Variants in SGCZ observed in about 807,000 individuals in gnomAD.
The protein encoded by SGCZ is sarcoglycan zeta.
A neutral mutation model predicts 41.3 loss-of-function variants in SGCZ; 40 were observed. The ratio of observed to expected loss-of-function variants is 0.97; its 90% CI spans 0.75 to 1.26. The LOEUF (loss-of-function observed/expected upper bound fraction) is 1.26, where lower values mean the gene tolerates loss of function less well. Among genes scored for constraint, SGCZ ranks in the 50% most tolerant of loss-of-function variants. The pLI is 0.00. For synonymous variants in SGCZ, 206 were observed against 137.5 expected (o/e 1.50, Z -3.49); for missense variants, 552 against 369.8 (o/e 1.49, Z -4.04).
chr8:14,139,003 A>C (rs927109716), intron 5 of SGCZ, among the ~76,000 whole-genome samples: 8 of 152,236 alleles, frequency 5.3e-5, no homozygotes, highest in African/African-American at 1.4e-4. Flanking sequence ...CTCAGACCAC[A>C]GTGCAATCAA....
At chr8:15,000,786 T>A (rs778007506) in intron 1 of SGCZ, among the ~76,000 whole-genome samples, 17 of 152,176 alleles carry the variant, frequency 1.1e-4, no homozygotes, top group Non-Finnish European at 2.2e-4. Context: ...AGCCTGCCTA[T>A]AAAATCTGCT....
At chr8:14,214,943 C>G (rs1234685841) in intron 4 of SGCZ, among the ~76,000 whole-genome samples, 2 of 152,112 alleles carry the variant, frequency 1.3e-5, no homozygotes, top group Non-Finnish European at 1.5e-5. Context: ...ACCACACTTG[C>G]AGCAATTAAG....
At chr8:14,950,013 T>C (rs1800579862) in intron 1 of SGCZ, among the ~76,000 whole-genome samples, 2 of 152,104 alleles carry the variant, frequency 1.3e-5, no homozygotes, top group East Asian at 3.9e-4. Context: ...CTTAATTTTA[T>C]CCTTTTCAAA....
intron 1 of SGCZ, among the ~76,000 whole-genome samples, chr8:14,618,091 G>GAT (rs139199970): frequency 0.34 from 51,485 of 151,736 alleles, 8,951 homozygotes; most frequent in East Asian, 0.6. Flanking sequence ...ATATCCAACA[G>GAT]ATATTTATGG....
chr8:14,886,572 G>T (rs889686969), intron 1 of SGCZ, among the ~76,000 whole-genome samples: 2 of 152,024 alleles, frequency 1.3e-5, no homozygotes, highest in Non-Finnish European at 2.9e-5. Context: ...GAGCTTCCCA[G>T]GGGCAAGTCC....
chr8:14,792,893 AG>A (rs1474793106), intron 1 of SGCZ, among the ~76,000 whole-genome samples: 2 of 152,248 alleles, frequency 1.3e-5, no homozygotes, highest in African/African-American at 4.8e-5. Flanking sequence ...CTAGGTATCA[AG>A]AAGCTTCATG....
intron 2 of SGCZ, among the ~76,000 whole-genome samples, chr8:14,475,162 T>C (rs987735151): frequency 2.0e-5 from 3 of 152,192 alleles, no homozygotes; most frequent in Non-Finnish European, 4.4e-5. Context: ...AATATCATAC[T>C]ATTAAAAAGC....
intron 1 of SGCZ, among the ~76,000 whole-genome samples, chr8:14,639,917 G>C (rs1232849445): frequency 6.6e-6 from 1 of 151,300 alleles, no homozygotes; most frequent in African/African-American, 2.4e-5. Flanking sequence ...CTACTCCTTG[G>C]ACACTTGATA....
At chr8:15,000,964 T>C (rs1222480213) in intron 1 of SGCZ, among the ~76,000 whole-genome samples, 5 of 152,198 alleles carry the variant, frequency 3.3e-5, no homozygotes, top group Non-Finnish European at 5.9e-5. Flanking sequence ...CCAGAGTGTA[T>C]ACTCAAGACA....
intron 1 of SGCZ, among the ~76,000 whole-genome samples, chr8:15,037,176 C>T (rs1348500253): frequency 2.6e-5 from 4 of 152,052 alleles, no homozygotes; most frequent in African/African-American, 9.7e-5. Flanking sequence ...CTCCATGATC[C>T]CCACATGTCA....
chr8:15,025,364 T>C (rs1803416981), intron 1 of SGCZ, among the ~76,000 whole-genome samples: 1 of 152,182 alleles, frequency 6.6e-6, no homozygotes, highest in Non-Finnish European at 1.5e-5. Flanking sequence ...CATAATTTGA[T>C]TTTTTCCTCT....
chr8:14,721,387 C>T (rs539891853), intron 1 of SGCZ, among the ~76,000 whole-genome samples: 1 of 152,260 alleles, frequency 6.6e-6, no homozygotes, highest in East Asian at 1.9e-4. Flanking sequence ...AAGAGAATAC[C>T]TGATTCGTGC....
At chr8:14,348,339 G>C (rs1049563363) in intron 2 of SGCZ, among the ~76,000 whole-genome samples, 1 of 152,012 alleles carries the variant, frequency 6.6e-6, no homozygotes, top group African/African-American at 2.4e-5. Context: ...TGGAATAAAA[G>C]TTACCTTCCT....
chr8:15,068,533 C>G (rs1026145026), intron 1 of SGCZ, among the ~76,000 whole-genome samples: 1 of 152,090 alleles, frequency 6.6e-6, no homozygotes, highest in African/African-American at 2.4e-5. Context: ...TTTTGATGTT[C>G]ACAGAAGTTC....
chr8:14,990,421 C>A (rs1047887499), intron 1 of SGCZ, among the ~76,000 whole-genome samples: 1 of 152,078 alleles, frequency 6.6e-6, no homozygotes, highest in Non-Finnish European at 1.5e-5. Flanking sequence ...TACTTTCAGC[C>A]GCTCCCCATC....
chr8:14,647,738 T>C (rs542036774), intron 1 of SGCZ, among the ~76,000 whole-genome samples: 1 of 152,192 alleles, frequency 6.6e-6, no homozygotes, highest in South Asian at 2.1e-4. Context: ...TGTATGTTAA[T>C]ATGTTTAAAG....
In SGCZ at chr8:15,083,100, T is replaced by C. The variant is rs576950581; in HGVS notation, c.39+154485A>G. On this transcript the variant is annotated intron_variant, in intron 1 of 7. Coordinates refer to ENST00000382080, the MANE Select transcript of SGCZ (RefSeq NM_139167.4). ...TGAAATATCTACCAGTACAAGGAGA[T>C]AGATCTTAACACAAACAGAATAACA... Among the ~76,000 whole-genome samples the C allele has an allele frequency of 4.0e-4, 61 of 152,312 alleles. No individual in the cohort carries two copies. The South Asian group carries it at 8.1e-3, about 20-fold the overall frequency.
At chr8:14,641,223 C>T (rs761866623) in intron 1 of SGCZ, among the ~76,000 whole-genome samples, 1 of 151,626 alleles carries the variant, frequency 6.6e-6, no homozygotes, top group Non-Finnish European at 1.5e-5. Context: ...CAGGCTTAGT[C>T]TATTACAGCT....
chr8:14,398,633 A>T (rs867135416), intron 2 of SGCZ, among the ~76,000 whole-genome samples: 6 of 151,990 alleles, frequency 3.9e-5, no homozygotes, highest in Admixed American at 2.0e-4. Flanking sequence ...CAAGATTTTT[A>T]TTTTTTTTAA....
Sources: allele counts gnomAD v4.1 joint callset (sites outside exome capture counted in the v4.1 genomes callset), GRCh38; gene constraint gnomAD v4.1.1; transcripts MANE v1.5; gene names NCBI Gene and HGNC (gene_info 2026-07-23, HGNC 2026-07-21).